Variants in UBFD1 observed in about 807,000 individuals in gnomAD.
UBFD1 encodes the protein ubiquitin family domain containing 1.
Under a neutral mutation model 35.1 loss-of-function variants are expected in UBFD1, and 12 were observed. That is an observed-to-expected ratio of 0.34 (90% CI 0.22 to 0.55). UBFD1 has a LOEUF of 0.55. UBFD1 is among the 20% of genes least tolerant of loss of function. The pLI, the probability that UBFD1 is intolerant of heterozygous loss-of-function variation, is 0.89. For missense variants in UBFD1, 337 were observed against 410.8 expected (o/e 0.82, Z 1.55); for synonymous variants, 178 against 167.6 (o/e 1.06, Z -0.48).
chr16:23,557,842 C>T (rs1965838262), intron 1 of UBFD1, 75 bp downstream of exon 1: 2 of 1,276,880 alleles, frequency 1.6e-6, no homozygotes, highest in Non-Finnish European at 2.0e-6. Context: ...TGCGGCCCGG[C>T]CCGGGAGGGA....
At chr16:23,564,055 G>A (rs1168145632) in intron 5 of UBFD1, 2 of 152,174 alleles carry the variant, frequency 1.3e-5, no homozygotes, top group Non-Finnish European at 2.9e-5. Flanking sequence ...GGAGGGAACC[G>A]AACATGCCTA....
chr16:23,566,898 A>G (rs1429203275), intron 5 of UBFD1, 89 bp from the exon 6 acceptor site: 16 of 1,274,994 alleles, frequency 1.3e-5, no homozygotes, highest in Non-Finnish European at 1.6e-5. Context: ...TAGATCCCGC[A>G]GCCACCAGCC....
In UBFD1 at chr16:23,559,548, A is replaced by G. The variant is rs764885318; in HGVS notation, c.436A>G (p.Ser146Gly). The change falls in exon 3 of 7, where the codon AGT (serine) becomes GGT (glycine). Residue 146 changes from serine (S) to glycine (G), a missense_variant. Physicochemically the swap from Ser to Gly is moderately conservative, Grantham distance 56. Transcript: ENST00000395878. Reference sequence around the variant, plus strand: ...AACATTGAGAGAAATAAAAGTGACCAGTGGGGCCAAGATCATGGTGGTTGG... The same window carrying G: ...AACATTGAGAGAAATAAAAGTGACCGGTGGGGCCAAGATCATGGTGGTTGG... ...DKTLREIKVT[S>G]GAKIMVVGST... The G allele has an allele frequency of 1.9e-6, 3 of 1,614,220 alleles. No homozygotes were observed. Among genetic ancestry groups the G allele is most frequent in the Non-Finnish European group, 2.5e-6 (3 of 1,180,040 alleles).
chr16:23,565,227 C>T (rs750111981), intron 5 of UBFD1: 2 of 152,202 alleles, frequency 1.3e-5, no homozygotes, highest in Non-Finnish European at 2.9e-5. Flanking sequence ...TTGGCCTCTT[C>T]GTGGGGCGCT....
At chr16:23,559,415 A>C in intron 2 of UBFD1, 53 bp from the exon 3 acceptor site, 1 of 1,515,494 alleles carries the variant, frequency 6.6e-7, no homozygotes, top group Non-Finnish European at 9.0e-7. Flanking sequence ...TAGTATCCAT[A>C]CATTTTTCTG....
rs1468614936 is a variant in UBFD1, at chr16:23,557,876, TC to T, written c.26-72del. The stretch of plus-strand genomic sequence containing the variant: ...GAGAACCGCGGCTCGGGAACGGAGG[TC>T]CGGCGGCGCCCGGACAGCGTCCGTT... On this transcript the variant is annotated intron_variant, in intron 1 of 6. Coordinates refer to ENST00000395878, the MANE Select transcript of UBFD1 (RefSeq NM_019116.3). 8.0e-6 allele frequency: 10 copies of T among 1,257,458 alleles called. No individual in the cohort carries two copies. The East Asian group carries it at 2.9e-4, about 36-fold the overall frequency. The allele number at this position is 1,257,458 out of a possible 1,614,324, so 77.9% of individuals were successfully genotyped here. A position where few individuals can be genotyped will look rare whatever the true frequency, so the allele number is the denominator to read the frequency against.
At position 23,559,655 on chromosome 16, in the gene UBFD1, G is replaced by A. The variant is rs1965899757; in HGVS notation, c.543G>A (p.Lys181=). 1 of 1,614,138 alleles carries A rather than the reference G, an allele frequency of 6.2e-7. No individual in the cohort carries two copies. The highest frequency in any genetic ancestry group is 1.3e-5 in the African/African-American group (1 of 74,956). The change falls in exon 3 of 7, where the codon AAG becomes AAA. Residue 181 remains lysine (K), a synonymous_variant. Coordinates refer to ENST00000395878, the MANE Select transcript of UBFD1 (RefSeq NM_019116.3). ...QQDAKAEENK[K]EPLCRQKQHR... The stretch of plus-strand genomic sequence containing the variant: ...ATGCAAAGGCCGAAGAGAACAAGAA[G>A]GAGCCTCTCTGCAGGCAGAAAGTGA...
intron 3 of UBFD1, among the ~76,000 whole-genome samples, chr16:23,560,558 A>G (rs1326184386): frequency 6.6e-6 from 1 of 152,230 alleles, no homozygotes; most frequent in African/African-American, 2.4e-5. Context: ...TTACAGATCC[A>G]TAATCCCCCA....
At chr16:23,567,271 A>C (rs538585838) in intron 6 of UBFD1, among the ~76,000 whole-genome samples, 17 of 152,128 alleles carry the variant, frequency 1.1e-4, no homozygotes, top group Non-Finnish European at 1.5e-4. Context: ...ACACCCCCCC[A>C]CACACACCTT....
At chr16:23,567,136 T>G in intron 6 of UBFD1, 67 bp downstream of exon 6, 1 of 1,450,346 alleles carries the variant, frequency 6.9e-7, no homozygotes, top group Non-Finnish European at 9.6e-7. Flanking sequence ...GGGAACAGTT[T>G]TAACTGAGCT....
chr16:23,569,305 G>C (rs1161685228), intron 6 of UBFD1: 1 of 152,216 alleles, frequency 6.6e-6, no homozygotes, highest in Admixed American at 6.5e-5. Flanking sequence ...TGTAATCCCA[G>C]CACTTTGGGA....
In UBFD1 at chr16:23,558,080, C is replaced by A; in HGVS notation, c.156C>A (p.Gly52=). ...AAAEDSGAAR[G]SLQPAPAQPP... is the part of the protein sequence containing the mutation. Reference sequence around the variant, plus strand: ...CCGAGGACTCCGGCGCCGCACGAGGCAGCCTGCAGCCGGCCCCGGCCCAGC... The same window carrying A: ...CCGAGGACTCCGGCGCCGCACGAGGAAGCCTGCAGCCGGCCCCGGCCCAGC... Residue 52 remains glycine (G), a synonymous_variant, in exon 2 of 7, where the codon GGC becomes GGA. Coordinates refer to ENST00000395878, the MANE Select transcript of UBFD1 (RefSeq NM_019116.3). The A allele has an allele frequency of 6.8e-7, 1 of 1,468,742 alleles. No homozygotes were observed. Among genetic ancestry groups the A allele is most frequent in the Non-Finnish European group, 9.0e-7 (1 of 1,115,228 alleles). The allele number at this position is 1,468,742 out of a possible 1,614,324, so 91.0% of individuals were successfully genotyped here.
intron 5 of UBFD1, among the ~76,000 whole-genome samples, chr16:23,563,734 G>T (rs916725816): frequency 1.3e-5 from 2 of 152,174 alleles, no homozygotes; most frequent in East Asian, 1.9e-4. Context: ...TTTGGTTCCA[G>T]CTTCTGGCCC....
At chr16:23,564,882 T>C (rs1297623204) in intron 5 of UBFD1, 1 of 152,198 alleles carries the variant, frequency 6.6e-6, no homozygotes, top group African/African-American at 2.4e-5. Context: ...GCCTTCCTGC[T>C]TTGGCCTAAA....
In UBFD1 at chr16:23,559,475, G is replaced by A. The variant is rs370610304; in HGVS notation, c.363G>A (p.Pro121=). 26 of 1,613,286 alleles carry A rather than the reference G, an allele frequency of 1.6e-5. No individual in the cohort carries two copies. Among genetic ancestry groups the A allele is most frequent in the African/African-American group, 1.3e-4 (10 of 74,872 alleles). The change falls in exon 3 of 7, where the codon CCG becomes CCA. Residue 121 remains proline, a synonymous_variant. Transcript: ENST00000395878. ...CTTCTACCTTTTCCCAAGGTCTCCC[G>A]CCTGCCATGCAGAAAGTCATGTATA... ...KQKIHSITGL[P]PAMQKVMYKG...
intron 3 of UBFD1, among the ~76,000 whole-genome samples, chr16:23,560,869 AT>A (rs937514139): frequency 6.6e-6 from 1 of 152,212 alleles, no homozygotes; most frequent in African/African-American, 2.4e-5. Flanking sequence ...CTTGAAACCG[AT>A]TGAGTTTCTT....
intron 3 of UBFD1, among the ~76,000 whole-genome samples, chr16:23,560,543 T>G (rs2142211833): frequency 6.6e-6 from 1 of 152,232 alleles, no homozygotes; most frequent in East Asian, 1.9e-4. Context: ...AGGACACAGT[T>G]TGTGTTACAG....
rs769709492 is a variant in UBFD1 at position 23,567,012 on chromosome 16, C to T, written c.762C>T (p.Gly254=). The T allele has an allele frequency of 2.5e-6, 4 of 1,614,062 alleles. No individual in the cohort carries two copies. In the African/African-American group the frequency reaches 4.0e-5, roughly 16 times the overall value. ...TKERTEKLPM[G]SIKNVVSEPI... Reference sequence around the variant, plus strand: ...AGCGGACTGAGAAATTGCCCATGGGCTCCATAAAAAATGTGGTCAGTGAAC... The same window carrying T: ...AGCGGACTGAGAAATTGCCCATGGGTTCCATAAAAAATGTGGTCAGTGAAC... Residue 254 remains glycine, a synonymous_variant, in exon 6 of 7, where the codon GGC becomes GGT. Transcript: ENST00000395878.
In UBFD1 at chr16:23,563,435, C is replaced by T. The variant is rs572530864; in HGVS notation, c.736+705C>T. 4.6e-5 allele frequency among the ~76,000 whole-genome samples: 7 copies of T among 152,276 alleles called. No homozygotes were observed. The South Asian group carries it at 1.5e-3, about 32-fold the overall frequency. On this transcript the variant is annotated intron_variant, in intron 5 of 6. Coordinates refer to ENST00000395878, the MANE Select transcript of UBFD1 (RefSeq NM_019116.3). Reference sequence around the variant, plus strand: ...GTGTCTCTGACTGTCCTCCCTCTCCCTTCCCCCAGATGGTTACAAAGTCTT... The same window carrying T: ...GTGTCTCTGACTGTCCTCCCTCTCCTTTCCCCCAGATGGTTACAAAGTCTT...
Sources: gnomAD v4.1 joint callset for allele counts (sites outside exome capture counted in the v4.1 genomes callset) on GRCh38, gnomAD v4.1.1 for gene constraint, MANE v1.5 for transcripts, NCBI Gene and HGNC (gene_info 2026-07-23, HGNC 2026-07-21) for gene names.